GAS7: variants seen among roughly 807,000 people sequenced by gnomAD.
The protein encoded by GAS7 is growth arrest specific 7.
Under a neutral mutation model 71.1 loss-of-function variants are expected in GAS7, and 28 were observed. The observed-to-expected ratio is 0.39, with a 90% CI of 0.29 to 0.54. The LOEUF (loss-of-function observed/expected upper bound fraction) is 0.54. GAS7 is among the 20% of genes least tolerant of loss of function. The pLI is 0.62. For missense variants in GAS7, 436 were observed against 627.8 expected (o/e 0.69, Z 3.27); for synonymous variants, 258 against 245.8 (o/e 1.05, Z -0.46).
intron 2 of GAS7, among the ~76,000 whole-genome samples, chr17:10,011,767 G>A (rs113727152): frequency 0.027 from 4,127 of 152,090 alleles, 154 homozygotes; most frequent in African/African-American, 0.092. Flanking sequence ...ACCTGAGGTC[G>A]GAAGTTCGAG....
intron 1 of GAS7, among the ~76,000 whole-genome samples, chr17:10,160,939 TACACACACACAC>T (rs61578754): frequency 1.1e-4 from 16 of 139,602 alleles, no homozygotes; most frequent in Non-Finnish European, 2.0e-4. Context: ...ATTGAAACCA[TACACACACACAC>T]ACACACACAC....
At chr17:10,013,264 T>G (rs2071851267) in intron 2 of GAS7, among the ~76,000 whole-genome samples, 2 of 152,208 alleles carry the variant, frequency 1.3e-5, no homozygotes, top group Admixed American at 1.3e-4. Flanking sequence ...CCTCCTGAAC[T>G]GTGATAAATA....
chr17:10,113,745 C>T (rs890219127), intron 1 of GAS7, among the ~76,000 whole-genome samples: 1 of 152,134 alleles, frequency 6.6e-6, no homozygotes, highest in Non-Finnish European at 1.5e-5. Flanking sequence ...CACTTGTTTG[C>T]CACTCGGGAA....
chr17:10,041,802 C>G (rs759772637), intron 1 of GAS7, among the ~76,000 whole-genome samples: 1 of 152,218 alleles, frequency 6.6e-6, no homozygotes, highest in Admixed American at 6.5e-5. Context: ...GAACGGCAGA[C>G]AGCAGAGAAT....
intron 1 of GAS7, among the ~76,000 whole-genome samples, chr17:10,132,170 G>A (rs907853565): frequency 6.6e-6 from 1 of 152,228 alleles, no homozygotes; most frequent in African/African-American, 2.4e-5. Flanking sequence ...ACTCGTGAAC[G>A]TATGGATACG....
intron 11 of GAS7, among the ~76,000 whole-genome samples, chr17:9,922,032 C>T (rs901830683): frequency 1.4e-4 from 21 of 151,662 alleles, no homozygotes; most frequent in Admixed American, 7.2e-4. Flanking sequence ...GTAGACAAGT[C>T]GGTTATCCTG....
intron 1 of GAS7, among the ~76,000 whole-genome samples, chr17:10,109,567 A>T (rs2073790753): frequency 6.6e-6 from 1 of 152,234 alleles, no homozygotes; most frequent in Non-Finnish European, 1.5e-5. Context: ...TAGAACAACC[A>T]TACCATCCAG....
intron 3 of GAS7, among the ~76,000 whole-genome samples, chr17:9,980,333 A>G (rs1362019501): frequency 1.3e-5 from 2 of 151,866 alleles, no homozygotes; most frequent in African/African-American, 4.8e-5. Context: ...GGATCTGGCC[A>G]CTCGCTTTGC....
chr17:10,177,545 C>T (rs896876497), intron 1 of GAS7, among the ~76,000 whole-genome samples: 1 of 152,100 alleles, frequency 6.6e-6, no homozygotes, highest in African/African-American at 2.4e-5. Context: ...ACTGTGTCTG[C>T]TCCTATGGAG....
chr17:9,951,760 C>CAAAAAAAAAAA (rs59048492), intron 5 of GAS7, among the ~76,000 whole-genome samples: 16 of 69,016 alleles, frequency 2.3e-4, no homozygotes, highest in African/African-American at 4.2e-4. Context: ...AACTCTGTCT[C>CAAAAAAAAAAA]AAAAAAAAAA....
At chr17:10,064,126 C>T (rs2073252829) in intron 1 of GAS7, among the ~76,000 whole-genome samples, 1 of 152,198 alleles carries the variant, frequency 6.6e-6, no homozygotes. Flanking sequence ...GCGGCTGCTG[C>T]AGCTTCTTGG....
In GAS7 at chr17:10,095,986, C is replaced by T. The variant is rs151329878; in HGVS notation, c.184-76089G>A. The stretch of plus-strand genomic sequence containing the variant: ...TTCCTCAACCTGGCTGTGCCCATTG[C>T]GGGTATGTTCCTTGGGGCTCCATCC... On this transcript the variant is annotated intron_variant, in intron 1 of 13. Coordinates refer to ENST00000432992, the MANE Select transcript of GAS7 (RefSeq NM_201433.2). Among the ~76,000 whole-genome samples the T allele has an allele frequency of 3.5e-3, 534 of 152,104 alleles. 1 individual carries two copies. Among genetic ancestry groups the T allele is most frequent in the Non-Finnish European group, 5.7e-3 (388 of 67,994 alleles).
intron 1 of GAS7, among the ~76,000 whole-genome samples, chr17:10,030,041 C>T (rs554046742): frequency 4.6e-5 from 7 of 152,260 alleles, no homozygotes; most frequent in African/African-American, 7.2e-5. Flanking sequence ...AGGTACCTGA[C>T]CAGTTGGCAT....
chr17:10,094,672 G>C (rs1436669744), intron 1 of GAS7, among the ~76,000 whole-genome samples: 2 of 152,010 alleles, frequency 1.3e-5, no homozygotes, highest in African/African-American at 4.8e-5. Context: ...GTTTCACCGT[G>C]TTAGCCAGGA....
intron 4 of GAS7, among the ~76,000 whole-genome samples, chr17:9,963,175 G>A (rs1392838396): frequency 3.3e-5 from 5 of 152,152 alleles, no homozygotes; most frequent in Non-Finnish European, 7.3e-5. Context: ...GTTCATCCAT[G>A]CCGCGATGTG....
chr17:10,080,456 T>A (rs892571303), intron 1 of GAS7, among the ~76,000 whole-genome samples: 16 of 152,174 alleles, frequency 1.1e-4, no homozygotes, highest in East Asian at 5.8e-4. Flanking sequence ...ACCTATGAAG[T>A]AGCCATTCTT....
intron 1 of GAS7, among the ~76,000 whole-genome samples, chr17:10,050,115 T>C (rs2073042782): frequency 6.6e-6 from 1 of 152,242 alleles, no homozygotes; most frequent in Admixed American, 6.5e-5. Context: ...CTAAGCTTAT[T>C]TTCTATTATC....
chr17:10,128,128 C>G (rs2073965373), intron 1 of GAS7, among the ~76,000 whole-genome samples: 1 of 152,228 alleles, frequency 6.6e-6, no homozygotes, highest in Non-Finnish European at 1.5e-5. Flanking sequence ...GGAGGCCATG[C>G]GTACATCCTC....
intron 4 of GAS7, among the ~76,000 whole-genome samples, chr17:9,960,167 C>T (rs1385590548): frequency 6.6e-6 from 1 of 152,068 alleles, no homozygotes; most frequent in African/African-American, 2.4e-5. Context: ...ACACTTGTGC[C>T]CCAGGACTTG....
Sources: gnomAD v4.1 joint callset for allele counts (sites outside exome capture counted in the v4.1 genomes callset) on GRCh38, gnomAD v4.1.1 for gene constraint, MANE v1.5 for transcripts, NCBI Gene and HGNC (gene_info 2026-07-23, HGNC 2026-07-21) for gene names.